The following FRMPD3 variants were observed in gnomAD, a reference collection of about 807,000 sequenced individuals.
The protein encoded by FRMPD3 is FERM and PDZ domain containing 3, also known as FERM and PDZ domain-containing protein 3.
In FRMPD3, 42 loss-of-function variants were observed where a neutral mutation model predicts 97.9. The observed-to-expected ratio is 0.43, with a 90% CI of 0.34 to 0.55. The LOEUF (loss-of-function observed/expected upper bound fraction) is 0.55, where lower values mean the gene tolerates loss of function less well. FRMPD3 is among the 20% of genes least tolerant of loss of function. The pLI, the probability that FRMPD3 is intolerant of heterozygous loss-of-function variation, is 0.03. For missense variants in FRMPD3, 1,303 were observed against 1,457.7 expected (o/e 0.89, Z 1.73); for synonymous variants, 577 against 581.1 (o/e 0.99, Z 0.10).
rs552796734 is a variant in FRMPD3, at chrX:107,574,500, A to G, written c.1297-1815A>G. 3.6e-5 allele frequency among the ~76,000 whole-genome samples: 4 copies of G among 112,152 alleles called. No homozygotes were observed. In the East Asian group the frequency reaches 1.1e-3, roughly 31 times the overall value. Reference sequence around the variant, plus strand: ...CCGTATGGCCCACAGTGCCTAAAATATTTACTCACTAGCCCTTTATAGAAA... The same window carrying G: ...CCGTATGGCCCACAGTGCCTAAAATGTTTACTCACTAGCCCTTTATAGAAA... On this transcript the variant is annotated intron_variant, in intron 12 of 14. Transcript: ENST00000683843.
At chrX:107,474,960 A>G (rs1393795633) in intron 1 of FRMPD3, among the ~76,000 whole-genome samples, 1 of 111,906 alleles carries the variant, frequency 8.9e-6, no homozygotes, top group Non-Finnish European at 1.9e-5. Flanking sequence ...AGTATGGGAG[A>G]CTACAAGTGG....
chrX:107,490,109 T>G (rs1324913867), intron 1 of FRMPD3, among the ~76,000 whole-genome samples: 2 of 112,267 alleles, frequency 1.8e-5, no homozygotes, highest in African/African-American at 6.5e-5. Flanking sequence ...TTTCCCCATT[T>G]CTTGTTTTTG....
chrX:107,574,118 A>T lies in FRMPD3; in HGVS notation c.1297-2197A>T, dbSNP rs757074266. On this transcript the variant is annotated intron_variant, in intron 12 of 14. Transcript: ENST00000683843. ...CAAATGTAATAACTTGAGATGTGTG[A>T]TGAATGAATACAGTTGTTTCTAGCT... Among the ~76,000 whole-genome samples the T allele has an allele frequency of 2.2e-4, 25 of 112,292 alleles. 1 individual carries two copies. The highest frequency in any genetic ancestry group is 4.5e-4 in the Non-Finnish European group (24 of 53,295).
intron 1 of FRMPD3, among the ~76,000 whole-genome samples, chrX:107,486,007 A>G (rs191966543): frequency 1.2e-4 from 14 of 112,362 alleles, no homozygotes; most frequent in African/African-American, 4.5e-4. Context: ...AACTGCTGCT[A>G]AAATGCTGAC....
At chrX:107,471,310 C>T (rs1921052321) in intron 1 of FRMPD3, among the ~76,000 whole-genome samples, 1 of 83,188 alleles carries the variant, frequency 1.2e-5, no homozygotes, top group African/African-American at 4.9e-5. Flanking sequence ...CTTTCCTTCC[C>T]TCCCTCCCTC....
rs1200507109 is a variant in FRMPD3 at position 107,601,150 on chromosome X, C to G, written c.3111C>G (p.Pro1037=). ...AGGTCTCTTCCAGCCCCAGAGCACCCACAGGCAGCCGGGCTGACAGCCTGC... is the reference window on the plus strand; with the variant it reads ...AGGTCTCTTCCAGCCCCAGAGCACCGACAGGCAGCCGGGCTGACAGCCTGC... The part of the protein sequence containing the change: ...GAEVSSSPRA[P]TGSRADSLHL... Residue 1037 remains proline (P), a synonymous_variant, in exon 15 of 15, where the codon CCC becomes CCG. Coordinates refer to ENST00000683843, the MANE Select transcript of FRMPD3 (RefSeq NM_001388459.1). The G allele has an allele frequency of 6.6e-6, 8 of 1,210,616 alleles. No homozygotes were observed. The highest frequency in any genetic ancestry group is 8.9e-6 in the Non-Finnish European group (8 of 895,252).
At chrX:107,450,562 C>CCACACACACACACACACACACACA (rs561898459) in intron 1 of FRMPD3, among the ~76,000 whole-genome samples, 3 of 84,300 alleles carry the variant, frequency 3.6e-5, no homozygotes, top group African/African-American at 1.6e-4. Flanking sequence ...CATGCAAAGA[C>CCACACACACACACACACACACACA]CACACACACA....
intron 1 of FRMPD3, among the ~76,000 whole-genome samples, chrX:107,478,472 T>G (rs1005203530): frequency 8.9e-6 from 1 of 111,790 alleles, no homozygotes; most frequent in Non-Finnish European, 1.9e-5. Flanking sequence ...AGTTGTCTCC[T>G]CAGAGAGTTT....
intron 1 of FRMPD3, among the ~76,000 whole-genome samples, chrX:107,458,104 G>A (rs1388103664): frequency 9.0e-6 from 1 of 111,398 alleles, no homozygotes; most frequent in African/African-American, 3.3e-5. Flanking sequence ...CATCTTTTGA[G>A]AAAGGTGAGG....
rs1921993388 is a variant in FRMPD3 at position 107,554,426 on chromosome X, C to T, written c.684C>T (p.Phe228=). 4 of 1,209,683 alleles carry T rather than the reference C, an allele frequency of 3.3e-6. No homozygotes were observed. Among genetic ancestry groups the T allele is most frequent in the Non-Finnish European group, 4.5e-6 (4 of 894,627 alleles). The change falls in exon 8 of 15, where the codon TTC becomes TTT. Residue 228 remains phenylalanine, a synonymous_variant. Coordinates refer to ENST00000683843, the MANE Select transcript of FRMPD3 (RefSeq NM_001388459.1). The part of the protein sequence containing the change: ...RTHYHGMKCL[F]RISFFPKDPV... ...ACTATCATGGAATGAAATGCCTCTT[C>T]CGAATAAGCTTCTTTCCCAAAGACC...
chrX:107,457,038 T>C (rs1328749885), intron 1 of FRMPD3, among the ~76,000 whole-genome samples: 3 of 111,149 alleles, frequency 2.7e-5, no homozygotes, highest in East Asian at 2.8e-4. Flanking sequence ...TACCTACCAA[T>C]TGAATGCGTG....
intron 13 of FRMPD3, among the ~76,000 whole-genome samples, chrX:107,584,990 G>A (rs1268357285): frequency 8.9e-6 from 1 of 111,987 alleles, no homozygotes; most frequent in Non-Finnish European, 1.9e-5. Flanking sequence ...GTACATCAAT[G>A]GTAGTTTGAT....
intron 7 of FRMPD3, 53 bp from the exon 8 acceptor site, chrX:107,554,332 C>T (rs1921987850): frequency 8.6e-7 from 1 of 1,168,906 alleles, no homozygotes; most frequent in Non-Finnish European, 1.1e-6. Flanking sequence ...CCCAACACCC[C>T]AGCCATTGAT....
intron 8 of FRMPD3, among the ~76,000 whole-genome samples, chrX:107,559,220 C>T (rs376199626): frequency 3.7e-5 from 4 of 109,134 alleles, no homozygotes; most frequent in Non-Finnish European, 5.7e-5. Context: ...CACCAGTCTC[C>T]GCCTCCCAAA....
rs1569430138 is a variant in FRMPD3, at chrX:107,597,988, T to A, written c.2109T>A (p.Asp703Glu). The A allele has an allele frequency of 1.8e-5, 21 of 1,188,814 alleles. No individual in the cohort carries two copies. Among genetic ancestry groups the A allele is most frequent in the Non-Finnish European group, 2.4e-5 (21 of 876,211 alleles). ...QGRHLRGLLY[D>E]EIPVTLIDSV... ...GCCACCTGCGTGGGCTTCTGTACGA[T>A]GAGATTCCAGTGACATTGATTGACA... The change falls in exon 14 of 15, where the codon GAT becomes GAA. Residue 703 changes from aspartate to glutamate, a missense_variant. Around this residue, in one of 3 missense-constraint regions of FRMPD3, gnomAD observed 535 missense variants for 618.6 expected, o/e 0.86. Transcript: ENST00000683843.
In FRMPD3 at chrX:107,564,873, T is replaced by C; in HGVS notation, c.1117-14T>C. On this transcript the variant is annotated splice_polypyrimidine_tract_variant and intron_variant, in intron 11 of 14. Transcript: ENST00000683843. ...TTCCTTCTGTGAACGTTGCCTGCCA[T>C]TCTTGGGCACCAGGATGAGAAGCAG... The C allele has an allele frequency of 8.3e-7, 1 of 1,210,027 alleles. No homozygotes were observed. The highest frequency in any genetic ancestry group is 3.0e-5 in the East Asian group (1 of 33,800).
chrX:107,526,876 A>G (rs1922716290), intron 2 of FRMPD3, 140 bp downstream of exon 2: 2 of 620,925 alleles, frequency 3.2e-6, no homozygotes, highest in African/African-American at 2.2e-5. Flanking sequence ...CTTGCCAACC[A>G]ATAACTGTGT....
At position 107,602,523 on chromosome X, in the gene FRMPD3, G is replaced by A. The variant is rs780032357; in HGVS notation, c.4484G>A (p.Arg1495His). The change falls in exon 15 of 15, where the codon CGC (arginine) becomes CAC (histidine). Residue 1495 changes from arginine (R) to histidine (H), a missense_variant. This residue lies in a region of FRMPD3 where 764 missense variants were observed against 820.2 expected (regional missense o/e 0.93). Transcript: ENST00000683843. Reference sequence around the variant, plus strand: ...GAGAGCAGCAAGTGCTGCTCCATCCGCTACTGCTTCTACTACCGCAAGTGT... The same window carrying A: ...GAGAGCAGCAAGTGCTGCTCCATCCACTACTGCTTCTACTACCGCAAGTGT... ...DSESSKCCSI[R>H]YCFYYRKCDM... 17 of 1,211,553 alleles carry A rather than the reference G, an allele frequency of 1.4e-5. No homozygotes were observed. Among genetic ancestry groups the A allele is most frequent in the South Asian group, 3.5e-5 (2 of 57,063 alleles).
chrX:107,518,810 A>G (rs894145894), intron 1 of FRMPD3, among the ~76,000 whole-genome samples: 2 of 112,643 alleles, frequency 1.8e-5, no homozygotes, highest in Non-Finnish European at 3.7e-5. Context: ...TGTTCACAAC[A>G]ACCAAAAGGT....
Sources: gnomAD v4.1 joint callset for allele counts (sites outside exome capture counted in the v4.1 genomes callset) on GRCh38, gnomAD v4.1.1 for gene constraint, gnomAD v4.1.1 regional missense constraint, MANE v1.5 for transcripts, NCBI Gene and HGNC (gene_info 2026-07-23, HGNC 2026-07-21) for gene names.